The following NUBPL variants were observed in gnomAD, a reference collection of about 807,000 sequenced individuals.
NUBPL encodes NUBP iron-sulfur cluster assembly factor, mitochondrial, also known as iron-sulfur cluster transfer protein NUBPL.
Under a neutral mutation model 45.7 loss-of-function variants are expected in NUBPL, and 31 were observed. The observed-to-expected ratio is 0.68, with a 90% confidence interval of 0.51 to 0.92. The LOEUF is 0.92. Ranked by LOEUF, NUBPL falls within the 40% of genes least tolerant of loss-of-function variation. The probability of loss-of-function intolerance (pLI) is 0.00; values close to 1 mark genes in which losing one functional copy is unlikely to be tolerated. For missense variants in NUBPL, 401 were observed against 398.7 expected (o/e 1.01, Z -0.05); for synonymous variants, 144 against 140.9 (o/e 1.02, Z -0.15).
At chr14:31,695,462 G>A (rs1247814817) in intron 6 of NUBPL, among the ~76,000 whole-genome samples, 1 of 151,626 alleles carries the variant, frequency 6.6e-6, no homozygotes, top group Non-Finnish European at 1.5e-5. Context: ...TTGGGTGTTG[G>A]TCACCTCCAA....
At chr14:31,694,842 A>G (rs1195576920) in intron 6 of NUBPL, among the ~76,000 whole-genome samples, 2 of 152,178 alleles carry the variant, frequency 1.3e-5, no homozygotes, top group African/African-American at 4.8e-5. Context: ...GCTATTTACT[A>G]TGTTTGGGCC....
intron 6 of NUBPL, among the ~76,000 whole-genome samples, chr14:31,757,697 T>C (rs1422755201): frequency 6.6e-6 from 1 of 152,050 alleles, no homozygotes; most frequent in Non-Finnish European, 1.5e-5. Flanking sequence ...TACATGAGGG[T>C]TCATGTACTG....
intron 7 of NUBPL, among the ~76,000 whole-genome samples, chr14:31,795,085 A>G (rs1274405482): frequency 6.7e-6 from 1 of 148,884 alleles, no homozygotes; most frequent in Non-Finnish European, 1.5e-5. Flanking sequence ...TGTTCCATTG[A>G]TCTATATCTC....
intron 6 of NUBPL, among the ~76,000 whole-genome samples, chr14:31,716,915 T>C (rs1028536686): frequency 6.6e-6 from 1 of 152,174 alleles, no homozygotes; most frequent in Non-Finnish European, 1.5e-5. Flanking sequence ...GGTGTTCATT[T>C]CTCCCATCTC....
intron 6 of NUBPL, among the ~76,000 whole-genome samples, chr14:31,703,619 A>G (rs895674923): frequency 2.6e-5 from 4 of 152,088 alleles, no homozygotes; most frequent in Admixed American, 2.0e-4. Context: ...TTTTAAAACC[A>G]TCAGATCTTG....
intron 7 of NUBPL, among the ~76,000 whole-genome samples, chr14:31,802,921 G>A (rs1427716647): frequency 1.3e-5 from 2 of 152,126 alleles, no homozygotes; most frequent in African/African-American, 2.4e-5. Context: ...AAAGTGAAAG[G>A]CATTTATTGT....
intron 3 of NUBPL, among the ~76,000 whole-genome samples, chr14:31,594,005 G>C (rs139056930): frequency 1.3e-5 from 2 of 152,108 alleles, no homozygotes; most frequent in Non-Finnish European, 2.9e-5. Flanking sequence ...GAGAGACTTG[G>C]GATCCTAGGC....
intron 8 of NUBPL, among the ~76,000 whole-genome samples, chr14:31,832,808 C>T (rs1484967549): frequency 6.6e-6 from 1 of 152,064 alleles, no homozygotes; most frequent in Non-Finnish European, 1.5e-5. Flanking sequence ...ACTGTATGAC[C>T]TGAGTTATCT....
chr14:31,835,737 A>C (rs750725873), intron 8 of NUBPL, among the ~76,000 whole-genome samples: 18 of 152,170 alleles, frequency 1.2e-4, no homozygotes, highest in Admixed American at 1.3e-4. Context: ...ACTATTTCTG[A>C]AAGAGAAAAC....
intron 7 of NUBPL, among the ~76,000 whole-genome samples, chr14:31,806,760 A>G (rs1281569162): frequency 1.3e-5 from 2 of 151,310 alleles, no homozygotes; most frequent in Non-Finnish European, 2.9e-5. Flanking sequence ...TACTACTGCT[A>G]TCCCTCTCCC....
intron 6 of NUBPL, among the ~76,000 whole-genome samples, chr14:31,692,743 C>A (rs1053918332): frequency 6.6e-6 from 1 of 152,138 alleles, no homozygotes; most frequent in Admixed American, 6.5e-5. Flanking sequence ...TTTTGGTTTC[C>A]TAAAGAATTT....
intron 6 of NUBPL, chr14:31,686,897 C>T (rs1418891504): frequency 1.3e-5 from 2 of 152,282 alleles, no homozygotes; most frequent in Non-Finnish European, 2.9e-5. Context: ...AGGAAGATCA[C>T]TTGAGGCCAG....
At chr14:31,606,613 G>T (rs1392696294) in intron 4 of NUBPL, among the ~76,000 whole-genome samples, 1 of 152,116 alleles carries the variant, frequency 6.6e-6, no homozygotes, top group Non-Finnish European at 1.5e-5. Context: ...AGCCGGTTAG[G>T]GTGGTTCTGG....
chr14:31,753,610 G>A (rs1270284625), intron 6 of NUBPL, among the ~76,000 whole-genome samples: 2 of 152,154 alleles, frequency 1.3e-5, no homozygotes, highest in Non-Finnish European at 2.9e-5. Flanking sequence ...TCTAGAAGTG[G>A]CACTATTCCC....
intron 7 of NUBPL, among the ~76,000 whole-genome samples, chr14:31,803,866 A>C (rs1329247310): frequency 6.6e-6 from 1 of 152,210 alleles, no homozygotes; most frequent in Non-Finnish European, 1.5e-5. Flanking sequence ...TCAAATTTAT[A>C]AAATCAAATA....
intron 4 of NUBPL, among the ~76,000 whole-genome samples, chr14:31,661,346 G>T (rs1472734462): frequency 1.3e-5 from 2 of 152,148 alleles, no homozygotes; most frequent in African/African-American, 4.8e-5. Flanking sequence ...AAGTTTCTTT[G>T]TTAACTTTCA....
In NUBPL at chr14:31,744,945, A is replaced by T. The variant is rs148665118; in HGVS notation, c.514-42835A>T. Among the ~76,000 whole-genome samples, 9 of 152,196 alleles carry T rather than the reference A, an allele frequency of 5.9e-5. No individual in the cohort carries two copies. In the East Asian group the frequency reaches 1.7e-3, roughly 29 times the overall value. ...AAGATCTTGTAGAATCTTTAAAAAA[A>T]ATCTTCAGACACAGCTTAAATATCA... is the stretch of plus-strand genomic sequence containing the variant. On this transcript the variant is annotated intron_variant, in intron 6 of 10. Coordinates refer to ENST00000281081, the MANE Select transcript of NUBPL (RefSeq NM_025152.3).
At chr14:31,816,084 T>G (rs1163128182) in intron 7 of NUBPL, among the ~76,000 whole-genome samples, 1 of 152,186 alleles carries the variant, frequency 6.6e-6, no homozygotes, top group Non-Finnish European at 1.5e-5. Flanking sequence ...CTTTTTCAAT[T>G]GTTTGGAATA....
At chr14:31,817,014 C>T (rs535794790) in intron 7 of NUBPL, among the ~76,000 whole-genome samples, 80 of 151,782 alleles carry the variant, frequency 5.3e-4, no homozygotes, top group South Asian at 2.1e-4. Flanking sequence ...AAAAGCAGCA[C>T]GAGAACTTCG....
Sources: gnomAD v4.1 joint callset for allele counts (sites outside exome capture counted in the v4.1 genomes callset) on GRCh38, gnomAD v4.1.1 for gene constraint, MANE v1.5 for transcripts, NCBI Gene and HGNC (gene_info 2026-07-23, HGNC 2026-07-21) for gene names.